FAF1: variants seen among roughly 807,000 people sequenced by gnomAD.
The protein encoded by FAF1 is FAS-associated factor 1.
In FAF1, 25 loss-of-function variants were observed where a neutral mutation model predicts 92.5. That is an observed-to-expected ratio of 0.27 (90% CI 0.20 to 0.38). The LOEUF (loss-of-function observed/expected upper bound fraction) is 0.38. Ranked by LOEUF, FAF1 falls within the 10% of genes least tolerant of loss-of-function variation. The pLI is 1.00. For missense variants in FAF1, 636 were observed against 793.3 expected (o/e 0.80, Z 2.38); for synonymous variants, 234 against 273.2 (o/e 0.86, Z 1.42).
At chr1:50,756,011 C>G (rs565919637) in intron 4 of FAF1, among the ~76,000 whole-genome samples, 3 of 152,184 alleles carry the variant, frequency 2.0e-5, no homozygotes, top group Non-Finnish European at 4.4e-5. Flanking sequence ...ACCTCTGACA[C>G]GCCCTGGAGA....
rs189155383 is a variant in FAF1 at position 50,730,031 on chromosome 1, A to G, written c.551+8832T>C. ...AGAGACTCCTTCTCCAAAATAAAAA[A>G]AACAGATTGTGATAATTTGTTCCAT... On this transcript the variant is annotated intron_variant, in intron 6 of 18. Transcript: ENST00000396153. Among the ~76,000 whole-genome samples the G allele has an allele frequency of 3.7e-4, 56 of 152,246 alleles. 4 individuals are homozygous for G. Among genetic ancestry groups the G allele is most frequent in the African/African-American group, 1.3e-3 (55 of 41,556 alleles).
chr1:50,577,103 T>A (rs1159450094), intron 12 of FAF1, among the ~76,000 whole-genome samples: 1 of 152,200 alleles, frequency 6.6e-6, no homozygotes, highest in Non-Finnish European at 1.5e-5. Context: ...AATACCAAAC[T>A]GGTTGTCGTT....
In FAF1 at chr1:50,535,358, C is replaced by T. The variant is rs1336331940; in HGVS notation, c.1494+11G>A. 1.3e-6 allele frequency: 2 copies of T among 1,571,874 alleles called. No individual in the cohort carries two copies. Among genetic ancestry groups the T allele is most frequent in the Admixed American group, 3.4e-5 (2 of 59,698 alleles). On this transcript the variant is annotated intron_variant, in intron 15 of 18. Coordinates refer to ENST00000396153, the MANE Select transcript of FAF1 (RefSeq NM_007051.3). ...TCATCAAAATCCTATTAAAGATCTG[C>T]ATAACCTTACCTCGTCCTTTATATC...
At chr1:50,867,753 C>T (rs962920365) in intron 1 of FAF1, among the ~76,000 whole-genome samples, 3 of 152,106 alleles carry the variant, frequency 2.0e-5, no homozygotes, top group Non-Finnish European at 2.9e-5. Context: ...TAGTACACCA[C>T]TATGAAAAAC....
intron 3 of FAF1, among the ~76,000 whole-genome samples, chr1:50,789,172 T>A (rs1224123731): frequency 1.3e-5 from 2 of 152,206 alleles, no homozygotes; most frequent in Non-Finnish European, 2.9e-5. Flanking sequence ...CTAAGTATTA[T>A]CCCTTTTATA....
intron 8 of FAF1, among the ~76,000 whole-genome samples, chr1:50,616,669 T>G (rs1431507178): frequency 6.6e-6 from 1 of 151,492 alleles, no homozygotes; most frequent in African/African-American, 2.4e-5. Context: ...TGCTACTGAT[T>G]TTTGTATACT....
At chr1:50,849,598 T>C (rs1020736239) in intron 2 of FAF1, among the ~76,000 whole-genome samples, 1 of 152,172 alleles carries the variant, frequency 6.6e-6, no homozygotes, top group African/African-American at 2.4e-5. Flanking sequence ...TTTTAGTCTA[T>C]ACAGACTATA....
At chr1:50,598,792 G>A (rs910597005) in intron 8 of FAF1, among the ~76,000 whole-genome samples, 18 of 152,114 alleles carry the variant, frequency 1.2e-4, no homozygotes, top group South Asian at 4.1e-4. Flanking sequence ...CCAACATGGT[G>A]AAATCCCATT....
At chr1:50,637,227 G>C (rs1455474460) in intron 8 of FAF1, among the ~76,000 whole-genome samples, 1 of 147,798 alleles carries the variant, frequency 6.8e-6, no homozygotes, top group South Asian at 2.1e-4. Context: ...CCTGAGGTCA[G>C]GAGTACGAGA....
At chr1:50,462,666 G>A (rs542548009) in intron 18 of FAF1, among the ~76,000 whole-genome samples, 21 of 152,266 alleles carry the variant, frequency 1.4e-4, no homozygotes, top group African/African-American at 4.1e-4. Flanking sequence ...CATTGAACAC[G>A]CTGATACTCT....
At chr1:50,617,564 G>C (rs1652978174) in intron 8 of FAF1, among the ~76,000 whole-genome samples, 1 of 152,000 alleles carries the variant, frequency 6.6e-6, no homozygotes, top group African/African-American at 2.4e-5. Context: ...ATTTTATTGA[G>C]GAGTTTTGCA....
At chr1:50,958,167 A>T (rs868578359) in intron 1 of FAF1, among the ~76,000 whole-genome samples, 22 of 152,164 alleles carry the variant, frequency 1.4e-4, no homozygotes, top group African/African-American at 3.9e-4. Context: ...AAAATTTTTT[A>T]AAATGTAGGC....
chr1:50,850,785 T>G (rs906771658), intron 2 of FAF1, among the ~76,000 whole-genome samples: 4 of 152,102 alleles, frequency 2.6e-5, no homozygotes, highest in Admixed American at 6.5e-5. Flanking sequence ...TATCATTAAA[T>G]AGCAAATTTT....
intron 1 of FAF1, among the ~76,000 whole-genome samples, chr1:50,891,921 G>C (rs1447333232): frequency 2.6e-5 from 4 of 152,192 alleles, no homozygotes; most frequent in African/African-American, 9.6e-5. Context: ...AGAGGTTTCT[G>C]CTGCCTTTTG....
chr1:50,599,827 G>A (rs2124095914), intron 8 of FAF1, among the ~76,000 whole-genome samples: 1 of 152,266 alleles, frequency 6.6e-6, no homozygotes. Context: ...TTGGTATTTA[G>A]ACAAGTATCC....
intron 7 of FAF1, among the ~76,000 whole-genome samples, chr1:50,698,067 T>C (rs1183701631): frequency 3.3e-5 from 5 of 152,198 alleles, no homozygotes; most frequent in Admixed American, 2.0e-4. Context: ...GCAGGCCTTA[T>C]CTTAATATGC....
At chr1:50,944,538 A>C (rs539553356) in intron 1 of FAF1, among the ~76,000 whole-genome samples, 43 of 152,284 alleles carry the variant, frequency 2.8e-4, no homozygotes, top group African/African-American at 1.0e-3. Context: ...CACAACACCC[A>C]GACCTTTCAT....
At position 50,785,228 on chromosome 1, in the gene FAF1, G is replaced by T. The variant is rs565755533; in HGVS notation, c.367+2772C>A. On this transcript the variant is annotated intron_variant, in intron 4 of 18. Coordinates refer to ENST00000396153, the MANE Select transcript of FAF1 (RefSeq NM_007051.3). Reference sequence around the variant, plus strand: ...CTTTATAACACTGATCTTGGCAATGGTTTTTTGGAAATGACTCCAAAAGCA... The same window carrying T: ...CTTTATAACACTGATCTTGGCAATGTTTTTTTGGAAATGACTCCAAAAGCA... Among the ~76,000 whole-genome samples the T allele has an allele frequency of 1.7e-4, 25 of 151,434 alleles. No homozygotes were observed. The South Asian group carries it at 5.0e-3, about 30-fold the overall frequency.
intron 1 of FAF1, among the ~76,000 whole-genome samples, chr1:50,939,783 A>G (rs1418585112): frequency 6.6e-6 from 1 of 152,210 alleles, no homozygotes; most frequent in Admixed American, 6.5e-5. Context: ...TGAGATGATC[A>G]TATGGTTTTT....
Sources: gnomAD v4.1 joint callset for allele counts (sites outside exome capture counted in the v4.1 genomes callset) on GRCh38, gnomAD v4.1.1 for gene constraint, MANE v1.5 for transcripts, NCBI Gene and HGNC (gene_info 2026-07-23, HGNC 2026-07-21) for gene names.